GARS1: variants seen among roughly 807,000 people sequenced by gnomAD.
GARS1 encodes the protein glycyl-tRNA synthetase 1.
GARS1 carries 46 observed loss-of-function variants against 86.4 expected under a neutral mutation model. The ratio of observed to expected loss-of-function variants is 0.53; its 90% confidence interval spans 0.42 to 0.68. The LOEUF is 0.68. Among genes scored for constraint, GARS1 ranks in the 30% least tolerant of loss-of-function variants. GARS1 has a pLI of 0.00. For synonymous variants in GARS1, 342 were observed against 329.8 expected (o/e 1.04, Z -0.40); for missense variants, 797 against 915.6 (o/e 0.87, Z 1.67).
At chr7:30,614,562 T>C (rs767724322) in intron 8 of GARS1, among the ~76,000 whole-genome samples, 1 of 152,076 alleles carries the variant, frequency 6.6e-6, no homozygotes, top group Non-Finnish European at 1.5e-5. Context: ...AGAGACACTA[T>C]TAAAAAATAA....
At chr7:30,598,377 C>CTTTTTTTTTTT (rs1174085518) in intron 1 of GARS1, among the ~76,000 whole-genome samples, 5 of 99,614 alleles carry the variant, frequency 5.0e-5, no homozygotes, top group East Asian at 3.0e-4. Context: ...TTGCATCATT[C>CTTTTTTTTTTT]TTTTTTTTTT....
intron 9 of GARS1, 136 bp downstream of exon 9, chr7:30,616,194 C>T (rs1391964734): frequency 1.1e-6 from 1 of 906,542 alleles, no homozygotes; most frequent in Non-Finnish European, 1.7e-6. Flanking sequence ...TGGTTTTGTA[C>T]AGAATTTGTT....
chr7:30,603,215 A>C, intron 5 of GARS1, 93 bp downstream of exon 5: 1 of 1,086,904 alleles, frequency 9.2e-7, no homozygotes, highest in South Asian at 1.3e-5. Flanking sequence ...TTATTGAGGC[A>C]TAACATTCAA....
chr7:30,620,656 C>T (rs1782985152), intron 10 of GARS1, among the ~76,000 whole-genome samples: 1 of 152,178 alleles, frequency 6.6e-6, no homozygotes, highest in Admixed American at 6.5e-5. Context: ...GGGAACCTGG[C>T]ATCAATGTGA....
At chr7:30,612,855 T>C (rs1335319180) in intron 8 of GARS1, among the ~76,000 whole-genome samples, 4 of 152,212 alleles carry the variant, frequency 2.6e-5, no homozygotes, top group Non-Finnish European at 5.9e-5. Context: ...GAAGGCATAT[T>C]GGGGCTGGTG....
intron 10 of GARS1, among the ~76,000 whole-genome samples, chr7:30,619,612 A>G (rs1782960335): frequency 6.6e-6 from 1 of 152,146 alleles, no homozygotes; most frequent in Admixed American, 6.6e-5. Context: ...AGGGAATGTC[A>G]GATTGCCAGG....
At chr7:30,627,452 A>T (rs373014952) in intron 13 of GARS1, among the ~76,000 whole-genome samples, 6 of 152,238 alleles carry the variant, frequency 3.9e-5, no homozygotes, top group Admixed American at 6.5e-5. Flanking sequence ...CTCTTTTCCC[A>T]TATGTGTGTG....
At chr7:30,600,946 T>C (rs1054050700) in intron 3 of GARS1, 113 bp from the exon 4 acceptor site, 1 of 971,200 alleles carries the variant, frequency 1.0e-6, no homozygotes, top group Admixed American at 1.8e-5. Flanking sequence ...GGATTTGCAT[T>C]GTTGACTTGA....
chr7:30,619,593 G>T (rs139881364), intron 10 of GARS1, among the ~76,000 whole-genome samples: 1 of 151,894 alleles, frequency 6.6e-6, no homozygotes, highest in Non-Finnish European at 1.5e-5. Context: ...TTAACCAGTC[G>T]ACATGTATAG....
In GARS1 at chr7:30,601,056, T is replaced by C; in HGVS notation, c.428-3T>C. ...GTATGTGTTTTCCTCTCATATTCTA[T>C]AGGTGTTAGTGGTCTGTATGACTTT... On this transcript the variant is annotated splice_polypyrimidine_tract_variant and splice_region_variant and intron_variant, in intron 3 of 16. Transcript: ENST00000389266. 1 of 1,613,786 alleles carries C rather than the reference T, an allele frequency of 6.2e-7. No homozygotes were observed. The highest frequency in any genetic ancestry group is 1.1e-5 in the South Asian group (1 of 91,072).
At chr7:30,596,485 A>AG (rs993163515) in intron 1 of GARS1, among the ~76,000 whole-genome samples, 25 of 150,812 alleles carry the variant, frequency 1.7e-4, no homozygotes, top group African/African-American at 5.9e-4. Context: ...ACTAATTTGG[A>AG]GAAAAAAAAA....
chr7:30,631,833 G>T (rs1418000163), intron 15 of GARS1: 6 of 390,954 alleles, frequency 1.5e-5, no homozygotes, highest in African/African-American at 1.2e-4. Context: ...AACCTGAGTG[G>T]AGTGTAGCAA....
chr7:30,611,588 G>A (rs553281465), intron 7 of GARS1, among the ~76,000 whole-genome samples: 5 of 152,116 alleles, frequency 3.3e-5, no homozygotes, highest in Admixed American at 6.5e-5. Flanking sequence ...AGGTTCAAGC[G>A]ATTCTCTTGC....
rs1304837169 is a variant in GARS1, at chr7:30,632,028, C to T, written c.1904-219C>T. ...CTTGGCTCTTGGTCCCATATTTGTT[C>T]CCCCTATAGCTGTATCAGATGGAGG... On this transcript the variant is annotated intron_variant, in intron 15 of 16. Coordinates refer to ENST00000389266, the MANE Select transcript of GARS1 (RefSeq NM_002047.4). This position sits in a 1 kb window ranked among gnomAD's most constrained non-coding sequence, Gnocchi z 4.1. 1 of 546,558 alleles carries T rather than the reference C, an allele frequency of 1.8e-6. No homozygotes were observed. Among genetic ancestry groups the T allele is most frequent in the South Asian group, 2.0e-5 (1 of 49,116 alleles). 33.9% of individuals were successfully genotyped at this position (546,558 alleles called of 1,614,324 possible).
At chr7:30,608,993 A>G (rs1481106834) in intron 6 of GARS1, among the ~76,000 whole-genome samples, 2 of 152,150 alleles carry the variant, frequency 1.3e-5, no homozygotes, top group Non-Finnish European at 2.9e-5. Context: ...CTTAAATTGG[A>G]GGGCATACAT....
At chr7:30,631,392 C>A in intron 14 of GARS1, 56 bp from the exon 15 acceptor site, 1 of 1,355,564 alleles carries the variant, frequency 7.4e-7, no homozygotes. Flanking sequence ...GGGATATTAG[C>A]ATTTAGATAT....
chr7:30,614,310 G>A (rs1273736026), intron 8 of GARS1: 1 of 151,538 alleles, frequency 6.6e-6, no homozygotes, highest in Non-Finnish European at 1.5e-5. Flanking sequence ...ATTAACTATA[G>A]ACACAGTGCT....
chr7:30,602,175 G>A (rs765420977), intron 4 of GARS1, among the ~76,000 whole-genome samples: 3 of 151,850 alleles, frequency 2.0e-5, no homozygotes, highest in Admixed American at 6.6e-5. Flanking sequence ...TGCAAGCTCC[G>A]CCTCTCGGGT....
At chr7:30,626,156 C>T in intron 12 of GARS1, 78 bp from the exon 13 acceptor site, 6 of 797,772 alleles carry the variant, frequency 7.5e-6, no homozygotes, top group South Asian at 1.5e-5. Context: ...AACAACTTAG[C>T]AATCTACAAA....
Sources: allele counts gnomAD v4.1 joint callset (sites outside exome capture counted in the v4.1 genomes callset), GRCh38; gene constraint gnomAD v4.1.1; non-coding constraint Gnocchi (gnomAD v3.1); transcripts MANE v1.5; gene names NCBI Gene and HGNC (gene_info 2026-07-23, HGNC 2026-07-21).